Variants in ATRX observed in about 807,000 individuals in gnomAD.
ATRX encodes the protein chromatin remodeler ATRX.
ATRX carries 12 observed loss-of-function variants against 172.6 expected under a neutral mutation model. The ratio of observed to expected loss-of-function variants is 0.07; its 90% CI spans 0.04 to 0.11. The LOEUF (loss-of-function observed/expected upper bound fraction) is 0.11, where lower values mean the gene tolerates loss of function less well. ATRX is among the 10% of genes least tolerant of loss of function. The probability of loss-of-function intolerance (pLI) is 1.00; values close to 1 mark genes in which losing one functional copy is unlikely to be tolerated. For missense variants in ATRX, 1,368 were observed against 1,767.4 expected (o/e 0.77, Z 4.05); for synonymous variants, 674 against 594.7 (o/e 1.13, Z -1.94).
chrX:77,694,579 G>A (rs2072078551), intron 5 of ATRX, among the ~76,000 whole-genome samples: 2 of 110,923 alleles, frequency 1.8e-5, no homozygotes, highest in African/African-American at 6.5e-5. Flanking sequence ...GAGATCATTT[G>A]TTGATCCCTA....
intron 9 of ATRX, among the ~76,000 whole-genome samples, chrX:77,680,501 C>T (rs2071125546): frequency 9.0e-6 from 1 of 111,589 alleles, no homozygotes; most frequent in African/African-American, 3.3e-5. Context: ...AGTTCAAGAT[C>T]AGCCTGGGTA....
At chrX:77,765,158 ACT>A (rs782224500) in intron 1 of ATRX, among the ~76,000 whole-genome samples, 60 of 111,644 alleles carry the variant, frequency 5.4e-4, no homozygotes, top group Non-Finnish European at 1.9e-4. Context: ...CAGAGCAAAA[ACT>A]CTGTCTCAAA....
intron 1 of ATRX, among the ~76,000 whole-genome samples, chrX:77,731,441 A>G (rs868910274): frequency 4.3e-4 from 48 of 112,201 alleles, no homozygotes; most frequent in Non-Finnish European, 5.4e-4. Context: ...CAGGAGGCAG[A>G]GAAATTCTAG....
intron 30 of ATRX, among the ~76,000 whole-genome samples, chrX:77,540,206 A>C (rs1408140299): frequency 1.8e-5 from 2 of 111,904 alleles, no homozygotes; most frequent in Non-Finnish European, 3.8e-5. Flanking sequence ...AACAAAGATC[A>C]AAAGAGACAA....
At chrX:77,741,037 T>TAC (rs111437851) in intron 1 of ATRX, among the ~76,000 whole-genome samples, 53,737 of 98,781 alleles carry the variant, frequency 0.54, 13,927 homozygotes, top group Non-Finnish European at 0.73. Flanking sequence ...ACCCTGTCTC[T>TAC]ACACACACAC....
intron 34 of ATRX, among the ~76,000 whole-genome samples, chrX:77,516,379 A>G (rs1200834643): frequency 7.1e-5 from 8 of 112,078 alleles, no homozygotes; most frequent in Non-Finnish European, 1.3e-4. Context: ...AGTGAAAATA[A>G]AGGGATGAAA....
At chrX:77,771,307 C>T (rs1268986871) in intron 1 of ATRX, among the ~76,000 whole-genome samples, 2 of 106,035 alleles carry the variant, frequency 1.9e-5, no homozygotes, top group South Asian at 8.4e-4. Flanking sequence ...ACCCAGAAGG[C>T]GGAGGTTGCA....
intron 14 of ATRX, among the ~76,000 whole-genome samples, chrX:77,653,014 A>AG (rs2069345851): frequency 1.8e-5 from 2 of 109,213 alleles, no homozygotes; most frequent in African/African-American, 6.6e-5. Context: ...TAAAAAAAAA[A>AG]AAAAAAAGAA....
At chrX:77,590,465 A>C (rs1557079676) in intron 26 of ATRX, among the ~76,000 whole-genome samples, 1 of 109,158 alleles carries the variant, frequency 9.2e-6, no homozygotes, top group Non-Finnish European at 1.9e-5. Flanking sequence ...AAAAAAAATA[A>C]GCTGGGCACT....
intron 1 of ATRX, among the ~76,000 whole-genome samples, chrX:77,757,205 C>A (rs1247203729): frequency 8.0e-5 from 9 of 111,885 alleles, no homozygotes; most frequent in African/African-American, 2.9e-4. Flanking sequence ...GATGTCTACA[C>A]TAGACATCTC....
intron 2 of ATRX, among the ~76,000 whole-genome samples, chrX:77,700,457 T>C (rs781903516): frequency 2.7e-5 from 3 of 112,210 alleles, no homozygotes; most frequent in African/African-American, 6.5e-5. Flanking sequence ...GCATACCATA[T>C]ATAAAGCAGC....
intron 30 of ATRX, among the ~76,000 whole-genome samples, chrX:77,527,496 C>A (rs1369359346): frequency 3.6e-5 from 4 of 112,152 alleles, no homozygotes; most frequent in Non-Finnish European, 7.5e-5. Flanking sequence ...AGCAGGAGAT[C>A]CTGTTGTGAA....
chrX:77,542,126 T>C (rs1442002953), intron 30 of ATRX, among the ~76,000 whole-genome samples: 4 of 112,097 alleles, frequency 3.6e-5, no homozygotes, highest in Non-Finnish European at 5.6e-5. Flanking sequence ...AGTCCCAGAA[T>C]ACAAAATCAA....
intron 1 of ATRX, among the ~76,000 whole-genome samples, chrX:77,725,080 C>A (rs2073967741): frequency 8.9e-6 from 1 of 111,978 alleles, no homozygotes; most frequent in Non-Finnish European, 1.9e-5. Context: ...GCTGACTCAA[C>A]CAGCACTATG....
At chrX:77,660,601 A>T (rs1223119229) in intron 12 of ATRX, among the ~76,000 whole-genome samples, 1 of 109,664 alleles carries the variant, frequency 9.1e-6, no homozygotes, top group African/African-American at 3.3e-5. Context: ...AAAAATAAAA[A>T]AATAATAATA....
chrX:77,615,590 T>C (rs1471589459), intron 22 of ATRX, among the ~76,000 whole-genome samples: 1 of 111,385 alleles, frequency 9.0e-6, no homozygotes. Flanking sequence ...CAAATGAAAA[T>C]GTGTGCTTTA....
chrX:77,658,198 G>A (rs1451708208), intron 12 of ATRX, among the ~76,000 whole-genome samples: 2 of 111,567 alleles, frequency 1.8e-5, no homozygotes, highest in Non-Finnish European at 3.8e-5. Flanking sequence ...GCAACAGAGC[G>A]AGGTCTTCTC....
At chrX:77,622,348 A>AC (rs2067628077) in intron 19 of ATRX, among the ~76,000 whole-genome samples, 1 of 111,265 alleles carries the variant, frequency 9.0e-6, no homozygotes, top group Non-Finnish European at 1.9e-5. Flanking sequence ...AGGTAGACAC[A>AC]CCCCCACTGG....
Position 77,768,969 on chromosome X carries a change from C to A in ATRX, c.20+17013G>T, listed in dbSNP as rs45469998. 7.7e-3 allele frequency among the ~76,000 whole-genome samples: 857 copies of A among 111,246 alleles called. 9 individuals are homozygous for A. Among genetic ancestry groups the A allele is most frequent in the African/African-American group, 0.027 (828 of 30,585 alleles). ...CTTGTAGCTTACCAACTTTTTCTTT[C>A]CCCACAAACCACCATCACAAGCCAC... is the stretch of plus-strand genomic sequence containing the variant. On this transcript the variant is annotated intron_variant, in intron 1 of 34. Transcript: ENST00000373344.
Sources: allele counts gnomAD v4.1 joint callset (sites outside exome capture counted in the v4.1 genomes callset), GRCh38; gene constraint gnomAD v4.1.1; transcripts MANE v1.5; gene names NCBI Gene and HGNC (gene_info 2026-07-23, HGNC 2026-07-21).